TMEM236: variants seen among roughly 807,000 people sequenced by gnomAD.
The protein encoded by TMEM236 is family with sequence similarity 23, member A.
TMEM236 carries 11 observed loss-of-function variants against 14.7 expected under a neutral mutation model. That is an observed-to-expected ratio of 0.75 (90% CI 0.47 to 1.24). The LOEUF (loss-of-function observed/expected upper bound fraction) is 1.24. TMEM236 is among the 50% of genes most tolerant of loss of function. The pLI, the probability that TMEM236 is intolerant of heterozygous loss-of-function variation, is 0.00. For synonymous variants in TMEM236, 182 were observed against 168.6 expected (o/e 1.08, Z -0.62); for missense variants, 464 against 427.3 (o/e 1.09, Z -0.76).
At chr10:17,755,598 C>T (rs1192615173) in intron 1 of TMEM236, among the ~76,000 whole-genome samples, 1 of 152,092 alleles carries the variant, frequency 6.6e-6, no homozygotes, top group Non-Finnish European at 1.5e-5. Context: ...GACCAGAGCC[C>T]CAGGGTCACC....
chr10:17,766,440 C>A (rs1554834327), intron 1 of TMEM236, among the ~76,000 whole-genome samples: 1 of 152,198 alleles, frequency 6.6e-6, no homozygotes, highest in African/African-American at 2.4e-5. Context: ...CTGTTCATGA[C>A]AATGTATCTA....
chr10:17,781,571 C>T (rs1475678423), intron 3 of TMEM236, among the ~76,000 whole-genome samples: 1 of 151,786 alleles, frequency 6.6e-6, no homozygotes, highest in African/African-American at 2.4e-5. Flanking sequence ...CATGGTGAAA[C>T]CCCGTTTCTA....
intron 1 of TMEM236, among the ~76,000 whole-genome samples, chr10:17,765,203 T>C (rs1837443368): frequency 6.6e-6 from 1 of 152,098 alleles, no homozygotes. Flanking sequence ...ATGACCTCCA[T>C]AAAGACCTAT....
Position 17,798,153 on chromosome 10 carries a change from C to A in TMEM236, c.*1649C>A. 5.2e-6 allele frequency: 1 copy of A among 192,638 alleles called. No homozygotes were observed. Among genetic ancestry groups the A allele is most frequent in the South Asian group, 9.9e-5 (1 of 10,098 alleles). The allele number at this position is 192,638 out of a possible 1,614,324, so 11.9% of individuals were successfully genotyped here. On this transcript the variant is annotated 3_prime_UTR_variant, in exon 4 of 4. Coordinates refer to ENST00000377495, the MANE Select transcript of TMEM236 (RefSeq NM_001098844.3). Reference sequence around the variant, plus strand: ...AGAGATTTGTGAGAGGCTGATAATGCAAGAGTAATGATTTATGTAGCCAGT... The same window carrying A: ...AGAGATTTGTGAGAGGCTGATAATGAAAGAGTAATGATTTATGTAGCCAGT...
At chr10:17,795,314 C>T (rs1180792111) in intron 3 of TMEM236, among the ~76,000 whole-genome samples, 2 of 152,162 alleles carry the variant, frequency 1.3e-5, no homozygotes, top group Non-Finnish European at 1.5e-5. Context: ...GTGTGAATTG[C>T]AGCTCTGCCC....
intron 2 of TMEM236, among the ~76,000 whole-genome samples, chr10:17,775,279 T>G (rs1000641938): frequency 4.6e-5 from 7 of 151,956 alleles, no homozygotes; most frequent in Non-Finnish European, 1.0e-4. Context: ...TTTGTTTTTG[T>G]TTCTGTTTTT....
rs1032686581 is a variant in TMEM236, at chr10:17,796,275, C to G, written c.827C>G (p.Ser276Cys). The G allele has an allele frequency of 1.5e-5, 25 of 1,613,916 alleles. No homozygotes were observed. The East Asian group carries it at 5.6e-4, about 36-fold the overall frequency. Reference sequence around the variant, plus strand: ...CCAGTCTACATATTCAGTTTTATTTCTCTCCTTCGAATTACATTCACTCCC... The same window carrying G: ...CCAGTCTACATATTCAGTTTTATTTGTCTCCTTCGAATTACATTCACTCCC... ...LYPVYIFSFI[S>C]LLRITFTPQN... The change falls in exon 4 of 4, where the codon TCT (serine) becomes TGT (cysteine). Residue 276 changes from serine to cysteine, a missense_variant. Transcript: ENST00000377495.
intron 1 of TMEM236, among the ~76,000 whole-genome samples, chr10:17,768,467 A>G (rs1589143524): frequency 6.6e-6 from 1 of 152,140 alleles, no homozygotes; most frequent in African/African-American, 2.4e-5. Flanking sequence ...TTTTCTAAAA[A>G]TCTGTATATT....
chr10:17,791,390 G>A (rs1837922561), intron 3 of TMEM236, among the ~76,000 whole-genome samples: 1 of 152,152 alleles, frequency 6.6e-6, no homozygotes, highest in East Asian at 1.9e-4. Context: ...TCTGAGAGTT[G>A]GAGGCTGTAG....
rs571020411 is a variant in TMEM236, at chr10:17,784,475, A to T, written c.472+8305A>T. Reference sequence around the variant, plus strand: ...ATGGGATTAGGCATATTTGGATTTTAAAAAAGGAAACCTCATTGAGTGACC... The same window carrying T: ...ATGGGATTAGGCATATTTGGATTTTTAAAAAGGAAACCTCATTGAGTGACC... On this transcript the variant is annotated intron_variant, in intron 3 of 3. Transcript: ENST00000377495. Among the ~76,000 whole-genome samples the T allele has an allele frequency of 3.3e-5, 5 of 152,322 alleles. No individual in the cohort carries two copies. The South Asian group carries it at 8.3e-4, about 25-fold the overall frequency.
rs2130545744 is a variant in TMEM236 at position 17,799,059 on chromosome 10, T to G, written c.*2555T>G. The G allele has an allele frequency of 5.0e-6, 1 of 200,674 alleles. No homozygotes were observed. Among genetic ancestry groups the G allele is most frequent in the African/African-American group, 2.4e-5 (1 of 42,230 alleles). 12.4% of individuals were successfully genotyped at this position (200,674 alleles called of 1,614,324 possible). A position where few individuals can be genotyped will look rare whatever the true frequency, so the allele number is the denominator to read the frequency against. On this transcript the variant is annotated 3_prime_UTR_variant, in exon 4 of 4. Coordinates refer to ENST00000377495, the MANE Select transcript of TMEM236 (RefSeq NM_001098844.3). ...GAGTATTGTATTCAAAAGTGATCGATCTGCTGAATATATAAATTAAAATGG... is the reference window on the plus strand; with the variant it reads ...GAGTATTGTATTCAAAAGTGATCGAGCTGCTGAATATATAAATTAAAATGG...
chr10:17,795,993 G>C lies in TMEM236; in HGVS notation c.545G>C (p.Ser182Thr), dbSNP rs1270285765. ...ACTGTGACGGAGCAAGTGAGGCAAAGTCCAGAAAACGCTGCATCTCCCCAG... is the reference window on the plus strand; with the variant it reads ...ACTGTGACGGAGCAAGTGAGGCAAACTCCAGAAAACGCTGCATCTCCCCAG... ...IKTVTEQVRQSPENAASPQAT... is the reference protein window; with the variant it reads ...IKTVTEQVRQTPENAASPQAT... Residue 182 changes from serine (S) to threonine (T), a missense_variant, in exon 4 of 4, where the codon AGT (serine) becomes ACT (threonine). Ser to Thr is a moderately conservative substitution (Grantham distance 58, BLOSUM62 1). Coordinates refer to ENST00000377495, the MANE Select transcript of TMEM236 (RefSeq NM_001098844.3). 1.2e-6 allele frequency: 2 copies of C among 1,613,842 alleles called. No individual in the cohort carries two copies. Among genetic ancestry groups the C allele is most frequent in the Non-Finnish European group, 1.7e-6 (2 of 1,179,874 alleles).
Position 17,762,573 on chromosome 10 carries a change from T to TCA in TMEM236, c.258-8735_258-8734dup, listed in dbSNP as rs1313931508. Among the ~76,000 whole-genome samples the TCA allele has an allele frequency of 1.9e-4, 15 of 77,106 alleles. 1 individual carries two copies. The Admixed American group carries it at 2.4e-3, about 12-fold the overall frequency. 50.6% of individuals were successfully genotyped at this position (77,106 alleles called of 152,430 possible). A position where few individuals can be genotyped will look rare whatever the true frequency, so the allele number is the denominator to read the frequency against. On this transcript the variant is annotated intron_variant, in intron 1 of 3. Coordinates refer to ENST00000377495, the MANE Select transcript of TMEM236 (RefSeq NM_001098844.3). ...AGGTATATATTTACCTATCTGAATTTCATATATATATATATATATATATAT... is the reference window on the plus strand; with the variant it reads ...AGGTATATATTTACCTATCTGAATTTCACATATATATATATATATATATATAT...
At position 17,796,200 on chromosome 10, in the gene TMEM236, T is replaced by C; in HGVS notation, c.752T>C (p.Met251Thr). ...SFLLWSDTIE[M>T]VRVAGHPNVY... ...CTCCTGTGGTCTGACACGATAGAAA[T>C]GGTGCGTGTGGCTGGTCACCCCAAC... Residue 251 changes from methionine to threonine, a missense_variant, in exon 4 of 4, where the codon ATG becomes ACG. Physicochemically the swap from Met to Thr is moderately conservative, Grantham distance 81. Transcript: ENST00000377495. The C allele has an allele frequency of 6.2e-7, 1 of 1,613,946 alleles. No individual in the cohort carries two copies.
intron 3 of TMEM236, among the ~76,000 whole-genome samples, chr10:17,790,778 C>T (rs921701231): frequency 6.6e-6 from 1 of 152,142 alleles, no homozygotes; most frequent in African/African-American, 2.4e-5. Context: ...TAACCATTTT[C>T]CCCTTGGGAG....
intron 3 of TMEM236, among the ~76,000 whole-genome samples, chr10:17,783,905 A>G (rs1052130675): frequency 9.9e-5 from 15 of 151,436 alleles, no homozygotes; most frequent in Non-Finnish European, 2.9e-5. Context: ...ATCTGTTTTT[A>G]TGTTGGTATG....
intron 1 of TMEM236, among the ~76,000 whole-genome samples, chr10:17,768,943 T>A (rs1837522836): frequency 2.6e-5 from 4 of 152,196 alleles, no homozygotes; most frequent in African/African-American, 9.7e-5. Context: ...ATCTTAATCA[T>A]TTTAAGGGTA....
intron 1 of TMEM236, among the ~76,000 whole-genome samples, chr10:17,753,366 C>G (rs1008208084): frequency 8.2e-4 from 125 of 152,232 alleles, no homozygotes; most frequent in African/African-American, 2.8e-3. Flanking sequence ...AGCCTAGTAC[C>G]TATTAGTTGT....
Position 17,798,620 on chromosome 10 carries a change from C to T in TMEM236, c.*2116C>T, listed in dbSNP as rs1289717948. 1 of 531,504 alleles carries T rather than the reference C, an allele frequency of 1.9e-6. No homozygotes were observed. Among genetic ancestry groups the T allele is most frequent in the African/African-American group, 1.9e-5 (1 of 51,690 alleles). 32.9% of individuals were successfully genotyped at this position (531,504 alleles called of 1,614,324 possible). ...CCCTTGCCACCCTGTCTCCCTTTCC[C>T]TCTGTTTTAGGATTTTTCTCACACT... On this transcript the variant is annotated 3_prime_UTR_variant, in exon 4 of 4. Transcript: ENST00000377495.
Sources: allele counts gnomAD v4.1 joint callset (sites outside exome capture counted in the v4.1 genomes callset), GRCh38; gene constraint gnomAD v4.1.1; transcripts MANE v1.5; gene names NCBI Gene and HGNC (gene_info 2026-07-23, HGNC 2026-07-21).